Variants in FBXL7 observed in about 807,000 individuals in gnomAD.
The protein encoded by FBXL7 is F-box/LRR-repeat protein 7.
FBXL7 carries 12 observed loss-of-function variants against 38.3 expected under a neutral mutation model. That is an observed-to-expected ratio of 0.31 (90% CI 0.20 to 0.51). FBXL7 has a LOEUF of 0.51. Ranked by LOEUF, FBXL7 falls within the 20% of genes least tolerant of loss-of-function variation. The pLI is 0.98. For synonymous variants in FBXL7, 297 were observed against 300.9 expected, an observed-to-expected ratio of 0.99 and a Z score of 0.13; for missense variants, 567 against 676.4, an observed-to-expected ratio of 0.84 and a Z score of 1.79.
At chr5:15,608,710 C>T (rs1382933519) in intron 1 of FBXL7, among the ~76,000 whole-genome samples, 1 of 152,206 alleles carries the variant, frequency 6.6e-6, no homozygotes, top group Non-Finnish European at 1.5e-5. Flanking sequence ...CACAATCCTG[C>T]AGCCTCAACT....
At position 15,737,129 on chromosome 5, in the gene FBXL7, A is replaced by T. The variant is rs995380224; in HGVS notation, c.127+121057A>T. Among the ~76,000 whole-genome samples, 4 of 151,974 alleles carry T rather than the reference A, an allele frequency of 2.6e-5. 1 individual carries two copies. Among genetic ancestry groups the T allele is most frequent in the Non-Finnish European group, 5.9e-5 (4 of 67,988 alleles). On this transcript the variant is annotated intron_variant, in intron 2 of 3. Coordinates refer to ENST00000504595, the MANE Select transcript of FBXL7 (RefSeq NM_012304.5). ...TGAGCCCCAGCCCCCTCATTCCAGA[A>T]TCCTCTTAATCTCTTCCCTATAGTC...
At chr5:15,726,367 A>G (rs1240099998) in intron 2 of FBXL7, among the ~76,000 whole-genome samples, 3 of 152,176 alleles carry the variant, frequency 2.0e-5, no homozygotes, top group Middle Eastern at 3.4e-3. Flanking sequence ...GTATTGTGCT[A>G]TGATAGTACC....
chr5:15,842,052 C>G (rs1416938094), intron 2 of FBXL7, among the ~76,000 whole-genome samples: 1 of 152,212 alleles, frequency 6.6e-6, no homozygotes, highest in Non-Finnish European at 1.5e-5. Flanking sequence ...AAGAGGGAAA[C>G]CATCCTCCAG....
intron 2 of FBXL7, among the ~76,000 whole-genome samples, chr5:15,882,104 A>G (rs1340968554): frequency 6.6e-6 from 1 of 152,190 alleles, no homozygotes; most frequent in East Asian, 1.9e-4. Flanking sequence ...GACAGCACCA[A>G]GGGGAATGGT....
intron 2 of FBXL7, among the ~76,000 whole-genome samples, chr5:15,639,418 C>G (rs781746506): frequency 6.6e-6 from 1 of 152,052 alleles, no homozygotes; most frequent in Non-Finnish European, 1.5e-5. Flanking sequence ...GAATGAGTCT[C>G]ACAAGATCTG....
At chr5:15,747,424 G>A (rs1736043807) in intron 2 of FBXL7, among the ~76,000 whole-genome samples, 1 of 152,130 alleles carries the variant, frequency 6.6e-6, no homozygotes, top group Non-Finnish European at 1.5e-5. Flanking sequence ...AGTTGCATCA[G>A]GGTCCAACCT....
chr5:15,709,625 C>T (rs1743800280), intron 2 of FBXL7, among the ~76,000 whole-genome samples: 1 of 151,070 alleles, frequency 6.6e-6, no homozygotes, highest in Non-Finnish European at 1.5e-5. Context: ...GTGGCTATTA[C>T]TCTTGTCTTA....
At chr5:15,880,721 T>TTATA (rs3034531) in intron 2 of FBXL7, among the ~76,000 whole-genome samples, 35,528 of 143,090 alleles carry the variant, frequency 0.25, 4,446 homozygotes, top group Admixed American at 0.29. Context: ...ATATACTATA[T>TTATA]TATATATATA....
At chr5:15,657,904 C>G (rs147031626) in intron 2 of FBXL7, among the ~76,000 whole-genome samples, 1 of 152,092 alleles carries the variant, frequency 6.6e-6, no homozygotes, top group African/African-American at 2.4e-5. Flanking sequence ...ACTTTTGAAT[C>G]CCTTCATATG....
chr5:15,926,731 G>T (rs746591832), intron 2 of FBXL7, among the ~76,000 whole-genome samples: 2 of 151,980 alleles, frequency 1.3e-5, no homozygotes, highest in Admixed American at 6.6e-5. Flanking sequence ...TTGTTAATAA[G>T]AAGAAAAAAT....
intron 1 of FBXL7, among the ~76,000 whole-genome samples, chr5:15,544,701 G>C (rs1158189638): frequency 6.6e-6 from 1 of 152,174 alleles, no homozygotes; most frequent in Non-Finnish European, 1.5e-5. Flanking sequence ...GTTTGCTTGT[G>C]AGTAGGGAGA....
intron 2 of FBXL7, among the ~76,000 whole-genome samples, chr5:15,845,628 A>T (rs184247623): frequency 6.6e-6 from 1 of 152,162 alleles, no homozygotes; most frequent in Admixed American, 6.6e-5. Flanking sequence ...ATCATTACTT[A>T]ACTTCTTTTT....
At chr5:15,902,601 A>G (rs1741257342) in intron 2 of FBXL7, among the ~76,000 whole-genome samples, 2 of 152,170 alleles carry the variant, frequency 1.3e-5, no homozygotes, top group Non-Finnish European at 2.9e-5. Context: ...GTGGCTTTCA[A>G]AATTTGCCCA....
At chr5:15,571,334 A>G (rs796222614) in intron 1 of FBXL7, among the ~76,000 whole-genome samples, 4 of 152,196 alleles carry the variant, frequency 2.6e-5, no homozygotes, top group African/African-American at 9.6e-5. Context: ...ACTAGCAACA[A>G]TGAAAGGGGC....
intron 2 of FBXL7, among the ~76,000 whole-genome samples, chr5:15,627,177 C>T (rs1312983435): frequency 1.3e-5 from 2 of 152,142 alleles, no homozygotes; most frequent in South Asian, 2.1e-4. Flanking sequence ...GATTTTATGA[C>T]AAGATCCACT....
chr5:15,779,867 C>A (rs925183524), intron 2 of FBXL7, among the ~76,000 whole-genome samples: 1 of 152,080 alleles, frequency 6.6e-6, no homozygotes, highest in African/African-American at 2.4e-5. Context: ...AAGATAGAAC[C>A]ACTTACTCTT....
chr5:15,868,350 C>T (rs975935212), intron 2 of FBXL7, among the ~76,000 whole-genome samples: 1 of 152,190 alleles, frequency 6.6e-6, no homozygotes, highest in Non-Finnish European at 1.5e-5. Context: ...TGGTGAGATC[C>T]ATGCCAGAAT....
chr5:15,816,820 TAATC>T (rs1390494491), intron 2 of FBXL7, among the ~76,000 whole-genome samples: 1 of 152,210 alleles, frequency 6.6e-6, no homozygotes, highest in Non-Finnish European at 1.5e-5. Context: ...ACAGTGTTGA[TAATC>T]TATACACATT....
At chr5:15,859,486 C>T (rs1239462047) in intron 2 of FBXL7, among the ~76,000 whole-genome samples, 2 of 152,090 alleles carry the variant, frequency 1.3e-5, no homozygotes. Context: ...GACAAGGTAA[C>T]TGATAAAGGA....
Sources: allele counts gnomAD v4.1 joint callset (sites outside exome capture counted in the v4.1 genomes callset), GRCh38; gene constraint gnomAD v4.1.1; transcripts MANE v1.5; gene names NCBI Gene and HGNC (gene_info 2026-07-23, HGNC 2026-07-21).